ANK3: variants seen among roughly 807,000 people sequenced by gnomAD.
The protein encoded by ANK3 is ankyrin 3, also known as ankyrin-3.
In ANK3, 57 loss-of-function variants were observed where a neutral mutation model predicts 370.9. The observed-to-expected ratio is 0.15, with a 90% confidence interval of 0.12 to 0.19. The LOEUF (loss-of-function observed/expected upper bound fraction) is 0.19. Among genes scored for constraint, ANK3 ranks in the 10% least tolerant of loss-of-function variants. The probability of loss-of-function intolerance (pLI) is 1.00; values close to 1 mark genes in which losing one functional copy is unlikely to be tolerated. For missense variants in ANK3, 4,439 were observed against 5,302.1 expected (o/e 0.84, Z 5.06); for synonymous variants, 1,929 against 1,946.3 (o/e 0.99, Z 0.23).
chr10:60,649,711 A>T (rs1045480121), intron 1 of ANK3, among the ~76,000 whole-genome samples: 4 of 152,182 alleles, frequency 2.6e-5, no homozygotes, highest in Non-Finnish European at 4.4e-5. Flanking sequence ...ACCTCACTAC[A>T]GCTTCAGCCT....
intron 1 of ANK3, among the ~76,000 whole-genome samples, chr10:60,386,273 C>T (rs960202610): frequency 6.6e-6 from 1 of 151,900 alleles, no homozygotes; most frequent in Non-Finnish European, 1.5e-5. Context: ...AAAGATATGG[C>T]AGGGAAGGGC....
intron 23 of ANK3, among the ~76,000 whole-genome samples, chr10:60,157,770 A>G (rs2095377276): frequency 6.6e-6 from 1 of 151,964 alleles, no homozygotes; most frequent in Admixed American, 6.6e-5. Context: ...CAGCAGAAAA[A>G]ACAAAAAAAT....
intron 28 of ANK3, among the ~76,000 whole-genome samples, chr10:60,094,283 A>G (rs763006410): frequency 2.5e-4 from 36 of 145,946 alleles, no homozygotes; most frequent in Non-Finnish European, 5.3e-4. Flanking sequence ...CACCTCCCGG[A>G]TTCAAGCAGT....
At chr10:60,140,441 C>T (rs1485965435) in intron 23 of ANK3, 15 of 1,612,196 alleles carry the variant, frequency 9.3e-6, no homozygotes, top group Non-Finnish European at 1.3e-5. Flanking sequence ...TTAGAATCAA[C>T]CTCCAAAACA....
intron 36 of ANK3, 31 bp from the exon 37 acceptor site, chr10:60,076,479 C>G: frequency 6.5e-7 from 1 of 1,529,310 alleles, no homozygotes; most frequent in African/African-American, 1.4e-5. Flanking sequence ...TGAAATCAAA[C>G]ACAAAAATCA....
At chr10:60,505,913 C>A (rs557588493) in intron 2 of ANK3, among the ~76,000 whole-genome samples, 1 of 152,048 alleles carries the variant, frequency 6.6e-6, no homozygotes, top group South Asian at 2.1e-4. Flanking sequence ...AGTAAAATGG[C>A]GAATATCACT....
chr10:60,629,141 T>G (rs2078449353), intron 1 of ANK3, among the ~76,000 whole-genome samples: 1 of 152,138 alleles, frequency 6.6e-6, no homozygotes, highest in African/African-American at 2.4e-5. Flanking sequence ...TCTTCTAACA[T>G]GTACCTGAGC....
At position 60,071,482 on chromosome 10, in the gene ANK3, A is replaced by G. The variant is rs745713114; in HGVS notation, c.9399T>C (p.Tyr3133=). The change falls in exon 37 of 44, where the codon TAT becomes TAC. Residue 3133 remains tyrosine (Y), a synonymous_variant. Coordinates refer to ENST00000280772, the MANE Select transcript of ANK3 (RefSeq NM_020987.5). The part of the protein sequence containing the change: ...KTVQETRGTF[Y]TTRQQKQPPS... ...GAGGTTGCTTTTGCTGTCTAGTTGTATAAAAGGTCCCCCTGGTTTCTTGTA... is the reference window on the plus strand; with the variant it reads ...GAGGTTGCTTTTGCTGTCTAGTTGTGTAAAAGGTCCCCCTGGTTTCTTGTA... The G allele has an allele frequency of 6.2e-7, 1 of 1,613,952 alleles. No individual in the cohort carries two copies. Among genetic ancestry groups the G allele is most frequent in the Non-Finnish European group, 8.5e-7 (1 of 1,179,924 alleles).
chr10:60,216,840 G>A (rs1368674142), intron 8 of ANK3, among the ~76,000 whole-genome samples: 1 of 152,108 alleles, frequency 6.6e-6, no homozygotes, highest in Non-Finnish European at 1.5e-5. Context: ...AGAAGGAATG[G>A]TACTAGCTCC....
At position 60,029,414 on chromosome 10, in the gene ANK3, T is replaced by C. The variant is rs916958127; in HGVS notation, c.*432A>G. 6.6e-6 allele frequency: 1 copy of C among 152,600 alleles called. No individual in the cohort carries two copies. 9.5% of individuals were successfully genotyped at this position (152,600 alleles called of 1,614,324 possible). A position where few individuals can be genotyped will look rare whatever the true frequency, so the allele number is the denominator to read the frequency against. On this transcript the variant is annotated 3_prime_UTR_variant, in exon 44 of 44. Transcript: ENST00000280772. ...CAAATAGTGTTTATACCCTGACAGT[T>C]TGGGTCCAAGAAAAATAAGGCGAGC...
At chr10:60,539,177 T>C (rs1313082000) in intron 2 of ANK3, among the ~76,000 whole-genome samples, 1 of 151,980 alleles carries the variant, frequency 6.6e-6, no homozygotes, top group African/African-American at 2.4e-5. Context: ...GTCACAATTA[T>C]GTCGACATTA....
intron 1 of ANK3, among the ~76,000 whole-genome samples, chr10:60,699,601 T>C (rs1048007895): frequency 5.9e-5 from 9 of 151,972 alleles, no homozygotes; most frequent in Admixed American, 2.0e-4. Context: ...TACACGTTAT[T>C]ACCAAGAAGC....
At chr10:60,469,956 A>G (rs2065175557) in intron 2 of ANK3, among the ~76,000 whole-genome samples, 1 of 151,878 alleles carries the variant, frequency 6.6e-6, no homozygotes, top group Non-Finnish European at 1.5e-5. Flanking sequence ...GTCAAAGATA[A>G]CTTCTATAAT....
At chr10:60,111,958 A>G (rs973335916) in intron 26 of ANK3, among the ~76,000 whole-genome samples, 1 of 152,222 alleles carries the variant, frequency 6.6e-6, no homozygotes, top group African/African-American at 2.4e-5. Flanking sequence ...AGGACCTGGC[A>G]TCAGTGAAAT....
intron 2 of ANK3, among the ~76,000 whole-genome samples, chr10:60,489,902 A>G (rs777443797): frequency 1.3e-5 from 2 of 152,214 alleles, no homozygotes; most frequent in Non-Finnish European, 2.9e-5. Flanking sequence ...TGAACAGGAT[A>G]AAAACATTTT....
intron 1 of ANK3, among the ~76,000 whole-genome samples, chr10:60,326,806 G>T (rs1280485651): frequency 6.6e-6 from 1 of 152,100 alleles, no homozygotes; most frequent in Non-Finnish European, 1.5e-5. Flanking sequence ...CGGATCACGA[G>T]GTCAGGCTAT....
chr10:60,063,155 C>A lies in ANK3; in HGVS notation c.12551G>T (p.Arg4184Ile), dbSNP rs1477697252. The change falls in exon 40 of 44, where the codon AGA becomes ATA. Residue 4184 changes from arginine (R) to isoleucine (I), a missense_variant. Physicochemically the swap from Arg to Ile is moderately conservative, Grantham distance 97. This residue lies in a region of ANK3 where 242 missense variants were observed against 228.0 expected (regional missense o/e 1.06). Transcript: ENST00000280772. The stretch of plus-strand genomic sequence containing the variant: ...AACATTGTTCTCATCTGCAAAACTT[C>A]TGGTGCCTGAAATATTTCCATAATC... Reference protein sequence around the residue: ...IFDYGNISGTRSFADENNVFH... With the variant: ...IFDYGNISGTISFADENNVFH... 1 of 1,613,508 alleles carries A rather than the reference C, an allele frequency of 6.2e-7. No homozygotes were observed. Among genetic ancestry groups the A allele is most frequent in the South Asian group, 1.1e-5 (1 of 91,018 alleles).
chr10:60,284,638 T>C (rs1182210208), intron 1 of ANK3, among the ~76,000 whole-genome samples: 1 of 152,182 alleles, frequency 6.6e-6, no homozygotes, highest in Non-Finnish European at 1.5e-5. Flanking sequence ...TTAACTATTT[T>C]AGGCACCTTC....
intron 2 of ANK3, among the ~76,000 whole-genome samples, chr10:60,431,194 C>T (rs2064013647): frequency 6.6e-6 from 1 of 152,182 alleles, no homozygotes; most frequent in African/African-American, 2.4e-5. Flanking sequence ...TAGATGGTCC[C>T]ATCTGGGGGT....
Sources: allele counts gnomAD v4.1 joint callset (sites outside exome capture counted in the v4.1 genomes callset), GRCh38; gene constraint gnomAD v4.1.1; regional missense constraint gnomAD v4.1.1; transcripts MANE v1.5; gene names NCBI Gene and HGNC (gene_info 2026-07-23, HGNC 2026-07-21).